Variants in SPSB1 observed in about 807,000 individuals in gnomAD.
SPSB1 encodes splA/ryanodine receptor domain and SOCS box containing 1.
SPSB1 carries 8 observed loss-of-function variants against 21.2 expected under a neutral mutation model. The ratio of observed to expected loss-of-function variants is 0.38; its 90% CI spans 0.22 to 0.68. The LOEUF is 0.68. Among genes scored for constraint, SPSB1 ranks in the 30% least tolerant of loss-of-function variants. The probability of loss-of-function intolerance (pLI) is 0.53; values close to 1 mark genes in which losing one functional copy is unlikely to be tolerated. For synonymous variants in SPSB1, 169 were observed against 161.7 expected (o/e 1.05, Z -0.34); for missense variants, 242 against 377.8 (o/e 0.64, Z 2.98).
At chr1:9,300,547 A>G (rs928740429) in intron 1 of SPSB1, among the ~76,000 whole-genome samples, 3 of 152,196 alleles carry the variant, frequency 2.0e-5, no homozygotes, top group Non-Finnish European at 4.4e-5. Flanking sequence ...AAATAACTTC[A>G]TTCCTTTTGA....
chr1:9,302,200 T>C (rs1639341211), intron 1 of SPSB1, among the ~76,000 whole-genome samples: 1 of 152,238 alleles, frequency 6.6e-6, no homozygotes, highest in South Asian at 2.1e-4. Flanking sequence ...TGGGTGCCTA[T>C]GGGTGCCAGT....
intron 1 of SPSB1, among the ~76,000 whole-genome samples, chr1:9,316,283 T>A (rs1024311351): frequency 2.0e-5 from 3 of 152,298 alleles, no homozygotes; most frequent in Admixed American, 6.5e-5. Context: ...GTGAGTCACC[T>A]GCTTTGGGTG....
chr1:9,355,607 C>T (rs909300442), intron 1 of SPSB1, 136 bp from the exon 2 acceptor site: 1 of 1,011,560 alleles, frequency 9.9e-7, no homozygotes, highest in Non-Finnish European at 1.3e-6. Context: ...AAGGCTCCAG[C>T]CTGCCCGTGT....
rs906847969 is a variant in SPSB1, at chr1:9,369,438, C to G, written c.*1863C>G. The G allele has an allele frequency of 6.6e-6, 1 of 152,158 alleles. No individual in the cohort carries two copies. The highest frequency in any genetic ancestry group is 6.5e-5 in the Admixed American group (1 of 15,274). The allele number at this position is 152,158 out of a possible 1,614,324, so 9.4% of individuals were successfully genotyped here. A position where few individuals can be genotyped will look rare whatever the true frequency, so the allele number is the denominator to read the frequency against. The stretch of plus-strand genomic sequence containing the variant: ...CCCTTCTTTCCTACCAGCCCAGAGC[C>G]TTGTGGCTTGTACAGTTTTGAAACT... On this transcript the variant is annotated 3_prime_UTR_variant, in exon 3 of 3. Coordinates refer to ENST00000328089, the MANE Select transcript of SPSB1 (RefSeq NM_025106.4).
chr1:9,323,950 G>A (rs1449516319), intron 1 of SPSB1, among the ~76,000 whole-genome samples: 1 of 152,182 alleles, frequency 6.6e-6, no homozygotes, highest in Non-Finnish European at 1.5e-5. Flanking sequence ...CCTGCAGGAA[G>A]GAGAGCCAGG....
intron 1 of SPSB1, among the ~76,000 whole-genome samples, chr1:9,325,235 CCCG>C (rs1400099041): frequency 1.5e-4 from 22 of 146,866 alleles, no homozygotes; most frequent in African/African-American, 5.7e-4. Context: ...ACCCCCCCCC[CCCG>C]CCCCGCCTCC....
At chr1:9,294,903 G>A (rs1001545987) in intron 1 of SPSB1, among the ~76,000 whole-genome samples, 5 of 152,130 alleles carry the variant, frequency 3.3e-5, no homozygotes, top group African/African-American at 7.2e-5. Flanking sequence ...TCCACACTGA[G>A]GAATTTTGGA....
At chr1:9,341,759 A>G (rs1640094468) in intron 1 of SPSB1, among the ~76,000 whole-genome samples, 1 of 152,024 alleles carries the variant, frequency 6.6e-6, no homozygotes, top group South Asian at 2.1e-4. Context: ...CTGGAGTACA[A>G]TAGCGCGATC....
Position 9,348,982 on chromosome 1 carries a change from C to T in SPSB1, c.-149-6761C>T, listed in dbSNP as rs1240601212. ...GTGTGTGTATATGTGCGTGTGTGCA[C>T]GTGCATGTGTGTGTGTAGTGGTGGG... On this transcript the variant is annotated intron_variant, in intron 1 of 2. Transcript: ENST00000328089. This position sits in a 1 kb window ranked among gnomAD's most constrained non-coding sequence, Gnocchi z 4.8. 6.6e-6 allele frequency among the ~76,000 whole-genome samples: 1 copy of T among 151,744 alleles called. No individual in the cohort carries two copies. Among genetic ancestry groups the T allele is most frequent in the Non-Finnish European group, 1.5e-5 (1 of 67,940 alleles).
chr1:9,354,198 T>G (rs1640323314), intron 1 of SPSB1, among the ~76,000 whole-genome samples: 1 of 152,136 alleles, frequency 6.6e-6, no homozygotes. Context: ...TGGATTTCCG[T>G]GTGTCTGGGA....
chr1:9,300,150 G>A (rs1639303991), intron 1 of SPSB1, among the ~76,000 whole-genome samples: 8 of 152,118 alleles, frequency 5.3e-5, no homozygotes, highest in Admixed American at 5.2e-4. Flanking sequence ...ATTTCTCGGG[G>A]TCCAGTAGTG....
chr1:9,338,943 C>T (rs1489050153), intron 1 of SPSB1, among the ~76,000 whole-genome samples: 3 of 152,212 alleles, frequency 2.0e-5, no homozygotes, highest in African/African-American at 2.4e-5. Flanking sequence ...CTGGAAAACC[C>T]GGCCGATTAC....
chr1:9,335,006 G>A (rs1639982311), intron 1 of SPSB1, among the ~76,000 whole-genome samples: 1 of 152,144 alleles, frequency 6.6e-6, no homozygotes, highest in African/African-American at 2.4e-5. Flanking sequence ...ATGAACATGG[G>A]TGCACAAATA....
intron 1 of SPSB1, among the ~76,000 whole-genome samples, chr1:9,300,277 A>G (rs1030935326): frequency 6.6e-6 from 1 of 152,216 alleles, no homozygotes; most frequent in Non-Finnish European, 1.5e-5. Flanking sequence ...GAGGCAACAC[A>G]TTCCTCATTT....
chr1:9,339,777 C>T (rs72643837), intron 1 of SPSB1, among the ~76,000 whole-genome samples: 3,739 of 152,234 alleles, frequency 0.025, 59 homozygotes, highest in Non-Finnish European at 0.035. Context: ...GCAAGGGGAT[C>T]GGCAGCCTGT....
At chr1:9,294,771 TGAG>T (rs1430205903) in intron 1 of SPSB1, among the ~76,000 whole-genome samples, 4 of 152,162 alleles carry the variant, frequency 2.6e-5, no homozygotes, top group African/African-American at 9.6e-5. Context: ...TCGTGGGGTG[TGAG>T]GAGAACAGCA....
rs1329724397 is a variant in SPSB1, at chr1:9,321,534, C to T, written c.-150+28463C>T. Among the ~76,000 whole-genome samples the T allele has an allele frequency of 6.6e-6, 1 of 152,160 alleles. No homozygotes were observed. Among genetic ancestry groups the T allele is most frequent in the Non-Finnish European group, 1.5e-5 (1 of 68,038 alleles). On this transcript the variant is annotated intron_variant, in intron 1 of 2. Coordinates refer to ENST00000328089, the MANE Select transcript of SPSB1 (RefSeq NM_025106.4). This position sits in a 1 kb window ranked among gnomAD's most constrained non-coding sequence, Gnocchi z 4.8. ...CTTACTGCGTGCCAAGGATTCAGCT[C>T]AGAACGGGGAAGAGGGTGTTTGAGA...
At chr1:9,361,772 A>AG (rs1640484429) in intron 2 of SPSB1, among the ~76,000 whole-genome samples, 2 of 152,118 alleles carry the variant, frequency 1.3e-5, no homozygotes, top group Admixed American at 1.3e-4. Flanking sequence ...GGAGGGCAGG[A>AG]GTGGAGATGG....
In SPSB1 at chr1:9,367,390, G is replaced by T; in HGVS notation, c.695-58G>T. On this transcript the variant is annotated intron_variant, in intron 2 of 2. Coordinates refer to ENST00000328089, the MANE Select transcript of SPSB1 (RefSeq NM_025106.4). The surrounding 1 kb of genome is among the most constrained non-coding windows in gnomAD (Gnocchi z 5.9). ...TGATAATATTGCTGCTGTGGTTAGC[G>T]CTGTTTGCTGAACACCCACCCAAGC... The T allele has an allele frequency of 6.2e-7, 1 of 1,610,944 alleles. No homozygotes were observed.
Sources: gnomAD v4.1 joint callset for allele counts (sites outside exome capture counted in the v4.1 genomes callset) on GRCh38, gnomAD v4.1.1 for gene constraint, Gnocchi (gnomAD v3.1) non-coding constraint, MANE v1.5 for transcripts, NCBI Gene and HGNC (gene_info 2026-07-23, HGNC 2026-07-21) for gene names.